The following ITSN1 variants were observed in gnomAD, a reference collection of about 807,000 sequenced individuals.
The protein encoded by ITSN1 is intersectin 1.
Under a neutral mutation model 239.8 loss-of-function variants are expected in ITSN1, and 58 were observed. The observed-to-expected ratio is 0.24, with a 90% CI of 0.20 to 0.30. The LOEUF is 0.30. Ranked by LOEUF, ITSN1 falls within the 10% of genes least tolerant of loss-of-function variation. The pLI, the probability that ITSN1 is intolerant of heterozygous loss-of-function variation, is 1.00. For synonymous variants in ITSN1, 780 were observed against 770.8 expected, an observed-to-expected ratio of 1.01 and a Z score of -0.20; for missense variants, 1,558 against 2,103.3, an observed-to-expected ratio of 0.74 and a Z score of 5.07.
chr21:33,804,465 T>C (rs1017274798), intron 20 of ITSN1, among the ~76,000 whole-genome samples: 1 of 152,188 alleles, frequency 6.6e-6, no homozygotes, highest in Non-Finnish European at 1.5e-5. Flanking sequence ...TGTGATGAAG[T>C]TCTCAATAAA....
rs369810887 is a variant in ITSN1 at position 33,751,831 on chromosome 21, C to T, written c.548C>T (p.Ser183Phe). 25 of 1,611,612 alleles carry T rather than the reference C, an allele frequency of 1.6e-5. No individual in the cohort carries two copies. Among genetic ancestry groups the T allele is most frequent in the Non-Finnish European group, 2.0e-5 (23 of 1,177,982 alleles). Residue 183 changes from serine to phenylalanine, a missense_variant, in exon 7 of 40, where the codon TCT becomes TTT. Physicochemically the swap from Ser to Phe is radical, Grantham distance 155. Transcript: ENST00000381318. ...AHPAATLPKSSSFSRSGPGSQ... is the reference protein window; with the variant it reads ...AHPAATLPKSFSFSRSGPGSQ... ...ACAGCAGCCACATTGCCAAAGAGTT[C>T]TTCCTTTAGTAGATCTGGTCCAGGG...
At chr21:33,805,492 G>T (rs1008946954) in intron 20 of ITSN1, among the ~76,000 whole-genome samples, 1 of 152,058 alleles carries the variant, frequency 6.6e-6, no homozygotes, top group Non-Finnish European at 1.5e-5. Context: ...CAGTATACAC[G>T]ATTACAGGGT....
chr21:33,712,522 G>A (rs2092444487), intron 1 of ITSN1, among the ~76,000 whole-genome samples: 1 of 152,116 alleles, frequency 6.6e-6, no homozygotes, highest in African/African-American at 2.4e-5. Flanking sequence ...TTCACACAAT[G>A]GCAGGTCCCA....
intron 20 of ITSN1, among the ~76,000 whole-genome samples, chr21:33,805,642 G>C (rs996859932): frequency 7.2e-5 from 11 of 152,040 alleles, no homozygotes; most frequent in African/African-American, 2.7e-4. Flanking sequence ...CCAGCCTCCA[G>C]GTTGGAGCTT....
intron 1 of ITSN1, among the ~76,000 whole-genome samples, chr21:33,700,819 CAG>C (rs954218184): frequency 1.4e-4 from 21 of 152,224 alleles, no homozygotes; most frequent in Admixed American, 2.6e-4. Context: ...AAGTGAAAAA[CAG>C]ATGATGTATG....
chr21:33,813,782 C>T, intron 21 of ITSN1, 131 bp from the exon 22 acceptor site: 4 of 653,798 alleles, frequency 6.1e-6, no homozygotes, highest in Non-Finnish European at 4.8e-6. Context: ...TTTTTTGGTA[C>T]TTTACTGTGG....
chr21:33,844,169 C>T lies in ITSN1; in HGVS notation c.3661+7537C>T, dbSNP rs117627772. Among the ~76,000 whole-genome samples the T allele has an allele frequency of 4.5e-3, 682 of 152,304 alleles. 5 individuals are homozygous for T. The highest frequency in any genetic ancestry group is 6.8e-3 in the Middle Eastern group (2 of 294). On this transcript the variant is annotated intron_variant, in intron 29 of 39. Transcript: ENST00000381318. The stretch of plus-strand genomic sequence containing the variant: ...CCCTTCCTGATAGCAGGAGGCCCAC[C>T]GGTGGAAGCAAGCAGCTTTTTAAAC...
rs980151095 is a variant in ITSN1, at chr21:33,765,739, A to G, written c.789-136A>G. Reference sequence around the variant, plus strand: ...TTTGCAGCAGTATAAAATAGGTACTATTTTGACAAAATGAGGGACAAAGAG... The same window carrying G: ...TTTGCAGCAGTATAAAATAGGTACTGTTTTGACAAAATGAGGGACAAAGAG... On this transcript the variant is annotated intron_variant, in intron 9 of 39. Coordinates refer to ENST00000381318, the MANE Select transcript of ITSN1 (RefSeq NM_003024.3). The G allele has an allele frequency of 7.4e-6, 6 of 811,060 alleles. No homozygotes were observed. The Admixed American group carries it at 9.2e-5, about 13-fold the overall frequency. The allele number at this position is 811,060 out of a possible 1,614,324, so 50.2% of individuals were successfully genotyped here.
chr21:33,861,388 G>A (rs916563309), intron 31 of ITSN1, among the ~76,000 whole-genome samples: 6 of 151,848 alleles, frequency 4.0e-5, no homozygotes, highest in Non-Finnish European at 4.4e-5. Flanking sequence ...TACAGTCCTT[G>A]TATTTGGGGG....
At chr21:33,703,108 T>TGTGC (rs1555879849) in intron 1 of ITSN1, among the ~76,000 whole-genome samples, 1 of 151,466 alleles carries the variant, frequency 6.6e-6, no homozygotes, top group African/African-American at 2.4e-5. Context: ...TGTGTGTGTG[T>TGTGC]GTGTGTATAC....
At chr21:33,686,675 CT>C (rs1388078860) in intron 1 of ITSN1, among the ~76,000 whole-genome samples, 2 of 152,160 alleles carry the variant, frequency 1.3e-5, no homozygotes, top group Admixed American at 1.3e-4. Context: ...CTCATTTCCC[CT>C]TTCCATTTTA....
chr21:33,801,638 A>G (rs964034109), intron 19 of ITSN1, among the ~76,000 whole-genome samples: 2 of 151,932 alleles, frequency 1.3e-5, no homozygotes, highest in Non-Finnish European at 2.9e-5. Context: ...TTATTTTTTT[A>G]CATTTTGTAG....
intron 23 of ITSN1, among the ~76,000 whole-genome samples, chr21:33,818,985 CAG>C (rs2073471003): frequency 6.6e-6 from 1 of 152,202 alleles, no homozygotes; most frequent in African/African-American, 2.4e-5. Context: ...ATCTCTCAGT[CAG>C]TCATGCCTTG....
chr21:33,745,885 A>T (rs1476029470), intron 5 of ITSN1, among the ~76,000 whole-genome samples: 7 of 152,212 alleles, frequency 4.6e-5, no homozygotes, highest in African/African-American at 9.6e-5. Context: ...CTCAAACTGC[A>T]TGCACGTATA....
chr21:33,733,849 TATG>T (rs1386311985), intron 4 of ITSN1, among the ~76,000 whole-genome samples: 1 of 152,230 alleles, frequency 6.6e-6, no homozygotes, highest in Non-Finnish European at 1.5e-5. Flanking sequence ...TTTCCTGCGT[TATG>T]ATCCTTATTT....
intron 5 of ITSN1, among the ~76,000 whole-genome samples, chr21:33,741,384 A>C (rs969335074): frequency 3.9e-5 from 6 of 152,196 alleles, no homozygotes; most frequent in African/African-American, 1.4e-4. Context: ...GAATTCTAAA[A>C]CTGACAAGGT....
chr21:33,699,907 C>T (rs989923948), intron 1 of ITSN1, among the ~76,000 whole-genome samples: 1 of 151,570 alleles, frequency 6.6e-6, no homozygotes, highest in Non-Finnish European at 1.5e-5. Context: ...GGATTGTAGG[C>T]ATGTACCACA....
At chr21:33,726,095 G>T (rs1278448412) in intron 4 of ITSN1, among the ~76,000 whole-genome samples, 1 of 152,138 alleles carries the variant, frequency 6.6e-6, no homozygotes, top group Non-Finnish European at 1.5e-5. Context: ...CCAGGTTCAA[G>T]TGATTCTCCT....
In ITSN1 at chr21:33,672,136, G is replaced by A. The variant is rs541950993; in HGVS notation, c.-33+29423G>A. On this transcript the variant is annotated intron_variant, in intron 1 of 39. Coordinates refer to ENST00000381318, the MANE Select transcript of ITSN1 (RefSeq NM_003024.3). ...TGCATGCCTGTAATCCCAGCTACTC[G>A]GGAGGCTGAGGCAGGAGAATCGCTT... is the stretch of plus-strand genomic sequence containing the variant. Among the ~76,000 whole-genome samples the A allele has an allele frequency of 4.6e-5, 7 of 151,344 alleles. No individual in the cohort carries two copies. The South Asian group carries it at 8.4e-4, about 18-fold the overall frequency.
Sources: gnomAD v4.1 joint callset for allele counts (sites outside exome capture counted in the v4.1 genomes callset) on GRCh38, gnomAD v4.1.1 for gene constraint, MANE v1.5 for transcripts, NCBI Gene and HGNC (gene_info 2026-07-23, HGNC 2026-07-21) for gene names.